ENOX1: variants seen among roughly 807,000 people sequenced by gnomAD.
ENOX1 encodes ecto-NOX disulfide-thiol exchanger 1.
Under a neutral mutation model 82.5 loss-of-function variants are expected in ENOX1, and 42 were observed. The observed-to-expected ratio is 0.51, with a 90% CI of 0.40 to 0.66. The LOEUF (loss-of-function observed/expected upper bound fraction) is 0.66. Among genes scored for constraint, ENOX1 ranks in the 30% least tolerant of loss-of-function variants. The pLI, the probability that ENOX1 is intolerant of heterozygous loss-of-function variation, is 0.00. For synonymous variants in ENOX1, 271 were observed against 282.2 expected (o/e 0.96, Z 0.40); for missense variants, 608 against 811.6 (o/e 0.75, Z 3.05).
intron 2 of ENOX1, among the ~76,000 whole-genome samples, chr13:43,664,357 A>C (rs553305148): frequency 6.6e-6 from 1 of 152,302 alleles, no homozygotes; most frequent in Non-Finnish European, 1.5e-5. Context: ...AAGGCACCTG[A>C]GGTTTTATTT....
intron 3 of ENOX1, among the ~76,000 whole-genome samples, chr13:43,447,393 G>C (rs1235226844): frequency 2.0e-5 from 3 of 152,132 alleles, no homozygotes; most frequent in African/African-American, 7.2e-5. Context: ...TAAAGGATCA[G>C]CTTGGTTGGG....
chr13:43,227,300 G>A (rs2042070030), intron 15 of ENOX1, among the ~76,000 whole-genome samples: 1 of 152,106 alleles, frequency 6.6e-6, no homozygotes, highest in Non-Finnish European at 1.5e-5. Flanking sequence ...CTAATCCTGG[G>A]TCTGCACCCC....
chr13:43,683,166 G>A (rs984560374), intron 1 of ENOX1, among the ~76,000 whole-genome samples: 1 of 152,106 alleles, frequency 6.6e-6, no homozygotes, highest in Non-Finnish European at 1.5e-5. Flanking sequence ...CTGTTGTGTA[G>A]TACTTTGAGG....
rs773371281 is a variant in ENOX1, at chr13:43,362,547, G to A, written c.209-1095C>T. Among the ~76,000 whole-genome samples the A allele has an allele frequency of 1.1e-3, 159 of 140,296 alleles. 1 individual carries two copies. The highest frequency in any genetic ancestry group is 2.5e-4 in the Non-Finnish European group (16 of 64,950). 92.0% of individuals were successfully genotyped at this position (140,296 alleles called of 152,430 possible). ...TCACTTCCAGTCTTCCTTCCTGCCC[G>A]CCACCCCTGCCCCCGACAACCCCTT... On this transcript the variant is annotated intron_variant, in intron 5 of 16. Coordinates refer to ENST00000690772, the MANE Select transcript of ENOX1 (RefSeq NM_001347969.2).
At chr13:43,359,748 T>G (rs1399082998) in intron 7 of ENOX1, 103 bp downstream of exon 7, 1 of 1,120,664 alleles carries the variant, frequency 8.9e-7, no homozygotes, top group Non-Finnish European at 1.3e-6. Context: ...AGCCCCAAAC[T>G]ATGAAGACTT....
At chr13:43,570,435 T>C (rs536038340) in intron 2 of ENOX1, among the ~76,000 whole-genome samples, 50 of 152,020 alleles carry the variant, frequency 3.3e-4, no homozygotes, top group South Asian at 1.0e-3. Flanking sequence ...ATGAAGAACA[T>C]GTGGATAGAT....
In ENOX1 at chr13:43,786,474, A is replaced by T. The variant is rs1952634359; in HGVS notation, c.-285+178T>A. On this transcript the variant is annotated intron_variant, in intron 1 of 16. Transcript: ENST00000690772. The surrounding 1 kb of genome is among the most constrained non-coding windows in gnomAD (Gnocchi z 6.0). ...GGGGAAGGGCGTGGGGGCTGCACCG[A>T]AGCCCCCACGCGTCCACGCACCCCT... 6.6e-6 allele frequency among the ~76,000 whole-genome samples: 1 copy of T among 151,196 alleles called. No individual in the cohort carries two copies. The highest frequency in any genetic ancestry group is 1.5e-5 in the Non-Finnish European group (1 of 67,738).
intron 12 of ENOX1, among the ~76,000 whole-genome samples, chr13:43,274,240 T>C (rs1010739070): frequency 1.3e-5 from 2 of 152,262 alleles, no homozygotes; most frequent in Non-Finnish European, 2.9e-5. Context: ...AATGAATTTA[T>C]AATTACGTAA....
Position 43,298,272 on chromosome 13 carries a change from G to A in ENOX1, c.1446+74C>T, listed in dbSNP as rs191263452. On this transcript the variant is annotated intron_variant, in intron 12 of 16. Transcript: ENST00000690772. The stretch of plus-strand genomic sequence containing the variant: ...TTCTCCTTCACCCTTTCCAGCACAC[G>A]GCTGCCTTTCCATTTTCATTTAATA... 1.8e-4 allele frequency: 257 copies of A among 1,445,472 alleles called. 1 individual carries two copies. Among genetic ancestry groups the A allele is most frequent in the East Asian group, 7.0e-5 (3 of 42,834 alleles). 89.5% of individuals were successfully genotyped at this position (1,445,472 alleles called of 1,614,324 possible). A position where few individuals can be genotyped will look rare whatever the true frequency, so the allele number is the denominator to read the frequency against.
chr13:43,541,173 G>GTTTTTTTTTTTCTTTTTTTTTTTTTTTTT (rs2078698274), intron 2 of ENOX1, among the ~76,000 whole-genome samples: 1 of 64,574 alleles, frequency 1.5e-5, no homozygotes, highest in Non-Finnish European at 3.2e-5. Flanking sequence ...TCTTCCCTCT[G>GTTTTTTTTTTTCTTTTTTTTTTTTTTTTT]TTTTTTTTTT....
chr13:43,661,324 T>C (rs2084714271), intron 2 of ENOX1, among the ~76,000 whole-genome samples: 1 of 152,172 alleles, frequency 6.6e-6, no homozygotes, highest in African/African-American at 2.4e-5. Context: ...CGTTGCAAAA[T>C]GGGATGACAG....
chr13:43,354,415 T>C (rs1229180819), intron 8 of ENOX1, among the ~76,000 whole-genome samples: 1 of 151,606 alleles, frequency 6.6e-6, no homozygotes, highest in East Asian at 1.9e-4. Flanking sequence ...GATTAAGGAT[T>C]CTCAAGCCCT....
At chr13:43,299,176 C>T (rs186962499) in intron 11 of ENOX1, among the ~76,000 whole-genome samples, 95 of 152,272 alleles carry the variant, frequency 6.2e-4, no homozygotes, top group African/African-American at 2.2e-3. Flanking sequence ...TCCCTGAAAC[C>T]CCAAATTCTC....
At chr13:43,434,411 A>G (rs2055870026) in intron 3 of ENOX1, among the ~76,000 whole-genome samples, 1 of 152,132 alleles carries the variant, frequency 6.6e-6, no homozygotes, top group Admixed American at 6.5e-5. Context: ...CAGTGCTCAC[A>G]GCTGCTCCAC....
chr13:43,538,165 T>C (rs2078549043), intron 2 of ENOX1, among the ~76,000 whole-genome samples: 1 of 152,244 alleles, frequency 6.6e-6, no homozygotes, highest in African/African-American at 2.4e-5. Flanking sequence ...ATAGCCACTC[T>C]CTCAGGTAAT....
intron 2 of ENOX1, among the ~76,000 whole-genome samples, chr13:43,518,677 T>G (rs2077649634): frequency 1.3e-5 from 2 of 151,192 alleles, no homozygotes; most frequent in Non-Finnish European, 3.0e-5. Context: ...TTAACCATTG[T>G]AAAAAAAAAT....
rs574648882 is a variant in ENOX1 at position 43,726,248 on chromosome 13, T to C, written c.-284-58704A>G. Among the ~76,000 whole-genome samples, 4 of 149,602 alleles carry C rather than the reference T, an allele frequency of 2.7e-5. No individual in the cohort carries two copies. The East Asian group carries it at 7.9e-4, about 29-fold the overall frequency. ...TTTTTTTTTTGAGATGGAGTTTCGCTCTGTTGCCCAGGCTTGAGTGTGCAG... is the reference window on the plus strand; with the variant it reads ...TTTTTTTTTTGAGATGGAGTTTCGCCCTGTTGCCCAGGCTTGAGTGTGCAG... On this transcript the variant is annotated intron_variant, in intron 1 of 16. Coordinates refer to ENST00000690772, the MANE Select transcript of ENOX1 (RefSeq NM_001347969.2).
intron 1 of ENOX1, among the ~76,000 whole-genome samples, chr13:43,771,626 A>C (rs557458069): frequency 1.3e-5 from 2 of 152,226 alleles, no homozygotes; most frequent in Admixed American, 1.3e-4. Flanking sequence ...GTGGGTTTAG[A>C]AATATCTACC....
chr13:43,698,380 T>C (rs1293543354), intron 1 of ENOX1, among the ~76,000 whole-genome samples: 1 of 152,106 alleles, frequency 6.6e-6, no homozygotes, highest in East Asian at 1.9e-4. Context: ...TTATATAAAG[T>C]TGGAAATACA....
Sources: gnomAD v4.1 joint callset for allele counts (sites outside exome capture counted in the v4.1 genomes callset) on GRCh38, gnomAD v4.1.1 for gene constraint, Gnocchi (gnomAD v3.1) non-coding constraint, MANE v1.5 for transcripts, NCBI Gene and HGNC (gene_info 2026-07-23, HGNC 2026-07-21) for gene names.